DPP8: variants seen among roughly 807,000 people sequenced by gnomAD.
DPP8 encodes the protein dipeptidyl peptidase 8.
Under a neutral mutation model 107.5 loss-of-function variants are expected in DPP8, and 31 were observed. The ratio of observed to expected loss-of-function variants is 0.29; its 90% CI spans 0.22 to 0.39. The LOEUF (loss-of-function observed/expected upper bound fraction) is 0.39. Ranked by LOEUF, DPP8 falls within the 10% of genes least tolerant of loss-of-function variation. The pLI, the probability that DPP8 is intolerant of heterozygous loss-of-function variation, is 1.00. For synonymous variants in DPP8, 381 were observed against 356.6 expected (o/e 1.07, Z -0.77); for missense variants, 842 against 1,076.1 (o/e 0.78, Z 3.04).
intron 6 of DPP8, 126 bp downstream of exon 6, chr15:65,490,063 T>A: frequency 1.6e-6 from 1 of 637,444 alleles, no homozygotes; most frequent in Non-Finnish European, 2.8e-6. Context: ...TCAATCATCA[T>A]CACTTTGGAA....
intron 12 of DPP8, among the ~76,000 whole-genome samples, chr15:65,473,394 C>A (rs1383982438): frequency 6.6e-6 from 1 of 150,424 alleles, no homozygotes; most frequent in Non-Finnish European, 1.5e-5. Flanking sequence ...CACAAGTAAA[C>A]ATGACATGAA....
intron 2 of DPP8, among the ~76,000 whole-genome samples, chr15:65,511,312 C>A (rs995120934): frequency 2.6e-5 from 4 of 151,924 alleles, no homozygotes; most frequent in Non-Finnish European, 5.9e-5. Flanking sequence ...CATGGCAAAA[C>A]TCCATCTCTA....
In DPP8 at chr15:65,476,160, C is replaced by T. The variant is rs574465364; in HGVS notation, c.1457-1872G>A. ...TTTTCCTCACTGCTTATATCTATTG[C>T]TGTGGGGAGTGACAGCTGATGACAG... On this transcript the variant is annotated intron_variant, in intron 11 of 19. Transcript: ENST00000300141. 4.9e-4 allele frequency among the ~76,000 whole-genome samples: 74 copies of T among 152,264 alleles called. No individual in the cohort carries two copies. The South Asian group carries it at 6.2e-3, about 13-fold the overall frequency.
intron 12 of DPP8, among the ~76,000 whole-genome samples, chr15:65,472,647 T>C (rs1051037916): frequency 6.6e-6 from 1 of 152,170 alleles, no homozygotes; most frequent in African/African-American, 2.4e-5. Context: ...AATAGATTTT[T>C]AAGTTACTTT....
intron 4 of DPP8, among the ~76,000 whole-genome samples, chr15:65,498,809 C>T (rs1216127080): frequency 6.6e-6 from 1 of 152,022 alleles, no homozygotes; most frequent in African/African-American, 2.4e-5. Flanking sequence ...ACATAAGCCA[C>T]TTGAGAGGCT....
chr15:65,465,700 C>T (rs556216976), intron 14 of DPP8, among the ~76,000 whole-genome samples: 28 of 151,608 alleles, frequency 1.8e-4, no homozygotes, highest in African/African-American at 4.8e-4. Context: ...GGACTACAGG[C>T]GTGTACCACC....
chr15:65,481,598 A>T lies in DPP8; in HGVS notation c.1035T>A (p.Asp345Glu). ...TCTCAAAAGGTTGAATTAGTTCCTT[A>T]TCTATGACATCTATGATCTATTAAA... ...DAEGRIIDVI[D>E]KELIQPFEIL... Residue 345 changes from aspartate (D) to glutamate (E), a missense_variant, in exon 9 of 20, where the codon GAT (aspartate) becomes GAA (glutamate). Transcript: ENST00000300141. 3 of 1,501,474 alleles carry T rather than the reference A, an allele frequency of 2.0e-6. No homozygotes were observed. The highest frequency in any genetic ancestry group is 2.7e-6 in the Non-Finnish European group (3 of 1,100,960). The allele number at this position is 1,501,474 out of a possible 1,614,324, so 93.0% of individuals were successfully genotyped here. A position where few individuals can be genotyped will look rare whatever the true frequency, so the allele number is the denominator to read the frequency against.
chr15:65,506,514 C>T (rs1047532969), intron 3 of DPP8, among the ~76,000 whole-genome samples: 4 of 151,530 alleles, frequency 2.6e-5, no homozygotes, highest in African/African-American at 7.3e-5. Context: ...TGTGGGAAGC[C>T]GAGGCAGGCA....
intron 4 of DPP8, 46 bp downstream of exon 4, chr15:65,500,559 AC>A: frequency 2.7e-6 from 4 of 1,499,990 alleles, no homozygotes; most frequent in Non-Finnish European, 3.7e-6. Context: ...GGTACAAATA[AC>A]CTTTTGGACC....
intron 5 of DPP8, among the ~76,000 whole-genome samples, chr15:65,497,381 C>G (rs571146163): frequency 6.6e-6 from 1 of 152,234 alleles, no homozygotes; most frequent in African/African-American, 2.4e-5. Context: ...CTCAATCTCC[C>G]AGGTAGTTGG....
intron 12 of DPP8, among the ~76,000 whole-genome samples, chr15:65,471,897 T>A (rs760656421): frequency 1.3e-5 from 2 of 152,188 alleles, no homozygotes; most frequent in Non-Finnish European, 2.9e-5. Flanking sequence ...CCAGTAAACA[T>A]AATCCTTCAA....
chr15:65,443,350 C>T lies in DPP8; in HGVS notation c.*3534G>A, dbSNP rs2063366002. ...TTGTTCTTCTAACAAATGAGAATAT[C>T]AGCTTAGATTAAATCAAATATTGAT... On this transcript the variant is annotated 3_prime_UTR_variant, in exon 20 of 20. Coordinates refer to ENST00000300141, the MANE Select transcript of DPP8 (RefSeq NM_130434.5). 6.6e-6 allele frequency: 1 copy of T among 152,064 alleles called. No individual in the cohort carries two copies. The highest frequency in any genetic ancestry group is 2.4e-5 in the African/African-American group (1 of 41,390). The allele number at this position is 152,064 out of a possible 1,614,324, so 9.4% of individuals were successfully genotyped here. A position where few individuals can be genotyped will look rare whatever the true frequency, so the allele number is the denominator to read the frequency against.
At chr15:65,458,895 ATAAT>A (rs1403668679) in intron 15 of DPP8, 1 of 152,154 alleles carries the variant, frequency 6.6e-6, no homozygotes, top group Non-Finnish European at 1.5e-5. Context: ...GAGTCACTTC[ATAAT>A]TAACCCAAAT....
In DPP8 at chr15:65,517,665, T is replaced by G. The variant is rs1208726514; in HGVS notation, c.-191A>C. 6.6e-6 allele frequency: 1 copy of G among 152,398 alleles called. No individual in the cohort carries two copies. Among genetic ancestry groups the G allele is most frequent in the Non-Finnish European group, 1.5e-5 (1 of 68,202 alleles). 9.4% of individuals were successfully genotyped at this position (152,398 alleles called of 1,614,324 possible). On this transcript the variant is annotated 5_prime_UTR_variant, in exon 1 of 20. Coordinates refer to ENST00000300141, the MANE Select transcript of DPP8 (RefSeq NM_130434.5). Reference sequence around the variant, plus strand: ...GCAGCGGCGGCAGTAGCAGCGGCCTTGGCCTCGGAGGCTTTAGCACTTCCG... The same window carrying G: ...GCAGCGGCGGCAGTAGCAGCGGCCTGGGCCTCGGAGGCTTTAGCACTTCCG...
intron 5 of DPP8, among the ~76,000 whole-genome samples, chr15:65,490,730 G>A (rs1489744470): frequency 1.3e-5 from 2 of 152,142 alleles, no homozygotes; most frequent in Non-Finnish European, 2.9e-5. Flanking sequence ...GAATCTTATA[G>A]GTCATATAAT....
intron 14 of DPP8, among the ~76,000 whole-genome samples, chr15:65,465,676 C>T (rs2065283913): frequency 6.6e-6 from 1 of 151,812 alleles, no homozygotes; most frequent in Admixed American, 6.6e-5. Context: ...CTGCCTCAGC[C>T]TCCTGAGTAG....
At chr15:65,448,468 C>T (rs186455449) in intron 19 of DPP8, among the ~76,000 whole-genome samples, 8 of 151,156 alleles carry the variant, frequency 5.3e-5, no homozygotes, top group East Asian at 2.0e-4. Flanking sequence ...GTCAGAAGAT[C>T]GAGACCATCC....
chr15:65,447,963 A>G (rs1458679588), intron 19 of DPP8, among the ~76,000 whole-genome samples: 1 of 152,238 alleles, frequency 6.6e-6, no homozygotes, highest in Non-Finnish European at 1.5e-5. Flanking sequence ...AAAGACTGGC[A>G]TAACACAGTG....
chr15:65,466,326 AC>A (rs1034466676), intron 14 of DPP8, among the ~76,000 whole-genome samples: 7 of 144,538 alleles, frequency 4.8e-5, no homozygotes, highest in South Asian at 4.3e-4. Flanking sequence ...TTTAGTGGAG[AC>A]GGGGTTTTAC....
Sources: allele counts gnomAD v4.1 joint callset (sites outside exome capture counted in the v4.1 genomes callset), GRCh38; gene constraint gnomAD v4.1.1; transcripts MANE v1.5; gene names NCBI Gene and HGNC (gene_info 2026-07-23, HGNC 2026-07-21).